The following ESF1 variants were observed in gnomAD, a reference collection of about 807,000 sequenced individuals.
ESF1 encodes ESF1 homolog.
ESF1 carries 58 observed loss-of-function variants against 92.0 expected under a neutral mutation model. The ratio of observed to expected loss-of-function variants is 0.63; its 90% CI spans 0.51 to 0.78. The LOEUF is 0.78. Among genes scored for constraint, ESF1 ranks in the 30% least tolerant of loss-of-function variants. The probability of loss-of-function intolerance (pLI) is 0.00; values close to 1 mark genes in which losing one functional copy is unlikely to be tolerated. For missense variants in ESF1, 922 were observed against 989.1 expected (o/e 0.93, Z 0.91); for synonymous variants, 321 against 313.7 (o/e 1.02, Z -0.24).
intron 8 of ESF1, among the ~76,000 whole-genome samples, chr20:13,762,115 C>A (rs1428621737): frequency 6.6e-6 from 1 of 151,480 alleles, no homozygotes; most frequent in African/African-American, 2.4e-5. Context: ...TTTATTTTTT[C>A]TTTTTTCAGC....
chr20:13,783,706 T>G (rs1389490260), intron 1 of ESF1, among the ~76,000 whole-genome samples: 2 of 152,172 alleles, frequency 1.3e-5, no homozygotes, highest in Admixed American at 1.3e-4. Context: ...TCCCAGCTAC[T>G]TTGGAGGCTA....
chr20:13,744,883 A>AT (rs1447430427), intron 9 of ESF1, among the ~76,000 whole-genome samples: 1 of 152,108 alleles, frequency 6.6e-6, no homozygotes, highest in East Asian at 1.9e-4. Context: ...GATTGCATAT[A>AT]TTTTGCCTAT....
intron 9 of ESF1, among the ~76,000 whole-genome samples, chr20:13,752,764 A>G (rs567248508): frequency 6.6e-6 from 1 of 152,376 alleles, no homozygotes; most frequent in South Asian, 2.1e-4. Context: ...GATAAAATAA[A>G]TGTGGCAGGG....
At chr20:13,737,381 A>G (rs1256127940) in intron 9 of ESF1, among the ~76,000 whole-genome samples, 1 of 152,236 alleles carries the variant, frequency 6.6e-6, no homozygotes, top group Non-Finnish European at 1.5e-5. Context: ...ACACACAAAA[A>G]TAAGAGTATA....
chr20:13,744,898 T>G (rs1568716526), intron 9 of ESF1, among the ~76,000 whole-genome samples: 1 of 152,194 alleles, frequency 6.6e-6, no homozygotes, highest in South Asian at 2.1e-4. Flanking sequence ...GCCTATTTGT[T>G]TACTAACTTC....
At chr20:13,750,991 A>G (rs995602454) in intron 9 of ESF1, among the ~76,000 whole-genome samples, 2 of 152,184 alleles carry the variant, frequency 1.3e-5, no homozygotes, top group African/African-American at 4.8e-5. Flanking sequence ...ATAAATAAAT[A>G]ACACCTGAGA....
rs750413719 is a variant in ESF1, at chr20:13,770,004, A to G, written c.1421T>C (p.Ile474Thr). 5 of 1,608,210 alleles carry G rather than the reference A, an allele frequency of 3.1e-6. No homozygotes were observed. The highest frequency in any genetic ancestry group is 1.7e-5 in the Admixed American group (1 of 59,526). ...FIDLRFIPDD[I>T]TFDDEPKDVA... The stretch of plus-strand genomic sequence containing the variant: ...ATCCTTAGGCTCATCATCAAAAGTA[A>G]TATCATCTGGTATAAACCTAAGAAG... The change falls in exon 7 of 14, where the codon ATT becomes ACT. Residue 474 changes from isoleucine to threonine, a missense_variant. By Grantham distance (89) the Ile-to-Thr change is moderately conservative. Transcript: ENST00000617257.
At chr20:13,718,222 G>C (rs1477166134) in intron 12 of ESF1, among the ~76,000 whole-genome samples, 1 of 152,086 alleles carries the variant, frequency 6.6e-6, no homozygotes, top group East Asian at 1.9e-4. Context: ...GGCACTTTTA[G>C]CTGGCTTTTC....
At chr20:13,737,543 G>T (rs1682840993) in intron 9 of ESF1, among the ~76,000 whole-genome samples, 1 of 152,118 alleles carries the variant, frequency 6.6e-6, no homozygotes, top group African/African-American at 2.4e-5. Context: ...GCTGAAACCA[G>T]CACTCTTTAT....
chr20:13,744,571 T>A (rs2050035816), intron 9 of ESF1, among the ~76,000 whole-genome samples: 1 of 152,218 alleles, frequency 6.6e-6, no homozygotes, highest in Non-Finnish European at 1.5e-5. Flanking sequence ...CATCTTCTGC[T>A]TTCCATACCC....
chr20:13,734,410 G>T (rs1169383776), intron 9 of ESF1, among the ~76,000 whole-genome samples: 1 of 152,120 alleles, frequency 6.6e-6, no homozygotes, highest in Non-Finnish European at 1.5e-5. Flanking sequence ...ATTCTGTGAG[G>T]CCTCATAGAA....
chr20:13,725,648 AC>A (rs1310850629), intron 11 of ESF1, among the ~76,000 whole-genome samples: 1 of 152,126 alleles, frequency 6.6e-6, no homozygotes, highest in Admixed American at 6.5e-5. Context: ...CTCCAGTATG[AC>A]AGATTAACAG....
At chr20:13,772,885 G>A (rs544326770) in intron 4 of ESF1, among the ~76,000 whole-genome samples, 3 of 152,172 alleles carry the variant, frequency 2.0e-5, no homozygotes, top group East Asian at 1.9e-4. Flanking sequence ...AGATGGTTCC[G>A]AGATCCAAAC....
intron 2 of ESF1, among the ~76,000 whole-genome samples, chr20:13,781,519 G>A (rs921936863): frequency 1.3e-5 from 2 of 152,152 alleles, no homozygotes; most frequent in Admixed American, 6.5e-5. Context: ...TATCCGCACA[G>A]GGGCATTTAT....
At chr20:13,770,253 T>G (rs1234249708) in intron 6 of ESF1, among the ~76,000 whole-genome samples, 1 of 152,230 alleles carries the variant, frequency 6.6e-6, no homozygotes, top group Non-Finnish European at 1.5e-5. Flanking sequence ...AAAAGAATGC[T>G]GTATAGATAG....
chr20:13,783,018 C>A lies in ESF1; in HGVS notation c.123G>T (p.Met41Ile). Residue 41 changes from methionine to isoleucine, a missense_variant, in exon 2 of 14, where the codon ATG becomes ATT. Coordinates refer to ENST00000617257, the MANE Select transcript of ESF1 (RefSeq NM_001276380.2). Reference protein sequence around the residue: ...KVKIDKRFRAMFHDKKFKLNY... With the variant: ...KVKIDKRFRAIFHDKKFKLNY... The stretch of plus-strand genomic sequence containing the variant: ...TCAACTTGAACTTCTTGTCATGAAA[C>A]ATGGCTCGAAATCTCTTGTCAATTT... 1 of 1,614,170 alleles carries A rather than the reference C, an allele frequency of 6.2e-7. No individual in the cohort carries two copies. The highest frequency in any genetic ancestry group is 8.5e-7 in the Non-Finnish European group (1 of 1,180,038).
At chr20:13,753,032 C>T (rs1236225053) in intron 9 of ESF1, among the ~76,000 whole-genome samples, 1 of 152,086 alleles carries the variant, frequency 6.6e-6, no homozygotes, top group Non-Finnish European at 1.5e-5. Flanking sequence ...CTGTGTGCTC[C>T]TGCCAAGATA....
chr20:13,718,730 A>T (rs2049847289), intron 12 of ESF1, among the ~76,000 whole-genome samples, 178 bp downstream of exon 12: 1 of 142,062 alleles, frequency 7.0e-6, no homozygotes, highest in Non-Finnish European at 1.5e-5. Context: ...TATGTTTGGT[A>T]AAAAAAACAC....
intron 11 of ESF1, among the ~76,000 whole-genome samples, chr20:13,726,628 T>C (rs140486154): frequency 2.2e-4 from 33 of 152,356 alleles, no homozygotes; most frequent in African/African-American, 7.9e-4. Flanking sequence ...TTTATCTGTC[T>C]AACATGTCTT....
Sources: gnomAD v4.1 joint callset for allele counts (sites outside exome capture counted in the v4.1 genomes callset) on GRCh38, gnomAD v4.1.1 for gene constraint, MANE v1.5 for transcripts, NCBI Gene and HGNC (gene_info 2026-07-23, HGNC 2026-07-21) for gene names.